ERG: variants seen among roughly 807,000 people sequenced by gnomAD.
ERG encodes ETS transcription factor ERG, also known as transcriptional regulator ERG.
ERG carries 9 observed loss-of-function variants against 55.3 expected under a neutral mutation model. The observed-to-expected ratio is 0.16, with a 90% CI of 0.10 to 0.28. The LOEUF (loss-of-function observed/expected upper bound fraction) is 0.28, where lower values mean the gene tolerates loss of function less well. Ranked by LOEUF, ERG falls within the 10% of genes least tolerant of loss-of-function variation. ERG has a pLI of 1.00. For missense variants in ERG, 434 were observed against 631.6 expected, an observed-to-expected ratio of 0.69 and a Z score of 3.35; for synonymous variants, 223 against 237.3, an observed-to-expected ratio of 0.94 and a Z score of 0.55.
chr21:38,407,648 A>ATATATATATATATATATATATATATAT (rs751562456), intron 3 of ERG, among the ~76,000 whole-genome samples: 1 of 146,598 alleles, frequency 6.8e-6, no homozygotes. Context: ...ATATATATTT[A>ATATATATATATATATATATATATATAT]ATGTATATTA....
intron 2 of ERG, among the ~76,000 whole-genome samples, chr21:38,528,432 A>ATTTT (rs1568885342): frequency 8.7e-5 from 3 of 34,600 alleles, no homozygotes; most frequent in East Asian, 6.6e-4. Flanking sequence ...GCCATAGCAA[A>ATTTT]CTTTTTTTTT....
At chr21:38,475,125 A>C (rs543410002) in intron 1 of ERG, among the ~76,000 whole-genome samples, 1 of 152,360 alleles carries the variant, frequency 6.6e-6, no homozygotes, top group East Asian at 1.9e-4. Context: ...TAAACGCGGA[A>C]CATAATGCAC....
intron 6 of ERG, chr21:38,395,725 C>A (rs1454535202): frequency 1.8e-5 from 3 of 169,804 alleles, no homozygotes; most frequent in African/African-American, 7.1e-5. Flanking sequence ...ACACCAGCAA[C>A]TGTGTCGATT....
At chr21:38,616,736 C>A (rs939350887) in intron 1 of ERG, among the ~76,000 whole-genome samples, 1 of 152,122 alleles carries the variant, frequency 6.6e-6, no homozygotes, top group African/African-American at 2.4e-5. Flanking sequence ...CCCTCCCCCA[C>A]CTCATTTTTA....
chr21:38,482,889 G>A (rs1261898241), intron 1 of ERG, among the ~76,000 whole-genome samples: 1 of 152,124 alleles, frequency 6.6e-6, no homozygotes. Flanking sequence ...TGTTGGCCAG[G>A]CTGGTCTCGA....
chr21:38,515,600 T>C (rs974506016), intron 2 of ERG, among the ~76,000 whole-genome samples: 2 of 151,844 alleles, frequency 1.3e-5, no homozygotes, highest in African/African-American at 2.4e-5. Context: ...CATAACAAAA[T>C]CAGACAAGAA....
intron 1 of ERG, among the ~76,000 whole-genome samples, chr21:38,655,409 C>T (rs1453313904): frequency 6.6e-6 from 1 of 152,156 alleles, no homozygotes; most frequent in African/African-American, 2.4e-5. Flanking sequence ...CCCAATTCTC[C>T]CAAGAGTCCT....
intron 1 of ERG, among the ~76,000 whole-genome samples, chr21:38,578,885 T>C (rs931516155): frequency 2.6e-5 from 4 of 152,222 alleles, no homozygotes; most frequent in African/African-American, 9.6e-5. Context: ...TACAATCAGA[T>C]TACCGAGATC....
intron 1 of ERG, among the ~76,000 whole-genome samples, chr21:38,644,069 T>C (rs1022648132): frequency 6.6e-6 from 1 of 152,144 alleles, no homozygotes; most frequent in African/African-American, 2.4e-5. Flanking sequence ...GAGGCCTTCA[T>C]AGCCACTTTT....
chr21:38,387,528 G>A (rs1024942507), intron 9 of ERG, among the ~76,000 whole-genome samples: 2 of 152,152 alleles, frequency 1.3e-5, no homozygotes, highest in South Asian at 4.1e-4. Flanking sequence ...CCTCAGTATC[G>A]TCATCTGTAA....
At chr21:38,612,922 A>G (rs957603248) in intron 1 of ERG, among the ~76,000 whole-genome samples, 7 of 152,140 alleles carry the variant, frequency 4.6e-5, no homozygotes, top group Admixed American at 4.6e-4. Context: ...TGGCCTCCCA[A>G]AGTGCTGGGA....
intron 3 of ERG, among the ~76,000 whole-genome samples, chr21:38,410,872 C>T (rs529038621): frequency 2.0e-4 from 30 of 152,100 alleles, no homozygotes; most frequent in East Asian, 7.7e-4. Flanking sequence ...ATAATATCAA[C>T]GTAAAATATT....
chr21:38,645,612 T>C (rs753378082), intron 1 of ERG, among the ~76,000 whole-genome samples: 2 of 152,172 alleles, frequency 1.3e-5, no homozygotes. Flanking sequence ...AAACTAACTC[T>C]ATCTGTAAGA....
intron 2 of ERG, among the ~76,000 whole-genome samples, chr21:38,544,349 C>T (rs1381649362): frequency 6.6e-6 from 1 of 152,130 alleles, no homozygotes; most frequent in African/African-American, 2.4e-5. Flanking sequence ...AGCAGTCATC[C>T]CGGCTCCCTG....
chr21:38,586,707 A>C (rs1007863863), upstream of ERG, among the ~76,000 whole-genome samples: 1 of 152,232 alleles, frequency 6.6e-6, no homozygotes, highest in Non-Finnish European at 1.5e-5. Context: ...TATATGTTTT[A>C]CAAATGTACT....
chr21:38,594,381 T>C (rs1015100433), intron 1 of ERG, among the ~76,000 whole-genome samples: 1 of 152,180 alleles, frequency 6.6e-6, no homozygotes, highest in Non-Finnish European at 1.5e-5. Flanking sequence ...CGTTAACCCA[T>C]GAAGCCTCAT....
chr21:38,503,380 C>A (rs369372107), upstream of ERG, among the ~76,000 whole-genome samples: 4 of 115,746 alleles, frequency 3.5e-5, no homozygotes, highest in East Asian at 2.8e-4. Flanking sequence ...TTTTTTTTTT[C>A]ATTTTATTAA....
chr21:38,513,719 T>C (rs2059531369), intron 2 of ERG, among the ~76,000 whole-genome samples: 1 of 151,934 alleles, frequency 6.6e-6, no homozygotes, highest in Admixed American at 6.6e-5. Flanking sequence ...TGAGCTTCCA[T>C]AGGAAAGAGG....
At chr21:38,452,273 T>A (rs971832760) in intron 1 of ERG, among the ~76,000 whole-genome samples, 2 of 152,220 alleles carry the variant, frequency 1.3e-5, no homozygotes, top group African/African-American at 2.4e-5. Context: ...ATACACATGC[T>A]TACATATGTA....
Sources: gnomAD v4.1 joint callset for allele counts (sites outside exome capture counted in the v4.1 genomes callset) on GRCh38, gnomAD v4.1.1 for gene constraint, MANE v1.5 for transcripts, NCBI Gene and HGNC (gene_info 2026-07-23, HGNC 2026-07-21) for gene names.